SAMD8: variants seen among roughly 807,000 people sequenced by gnomAD.
SAMD8 encodes sterile alpha motif domain containing 8.
In SAMD8, 20 loss-of-function variants were observed where a neutral mutation model predicts 42.0. The observed-to-expected ratio is 0.48, with a 90% confidence interval of 0.34 to 0.69. The LOEUF is 0.69. Among genes scored for constraint, SAMD8 ranks in the 30% least tolerant of loss-of-function variants. The pLI, the probability that SAMD8 is intolerant of heterozygous loss-of-function variation, is 0.01. For synonymous variants in SAMD8, 162 were observed against 173.0 expected, an observed-to-expected ratio of 0.94 and a Z score of 0.50; for missense variants, 328 against 511.6, an observed-to-expected ratio of 0.64 and a Z score of 3.46.
chr10:75,132,114 GGA>G (rs533839917), intron 1 of SAMD8, among the ~76,000 whole-genome samples: 63 of 152,200 alleles, frequency 4.1e-4, no homozygotes, highest in African/African-American at 1.5e-3. Flanking sequence ...ACACTGTCTA[GGA>G]GAGAGAGAGA....
chr10:75,164,084 C>A (rs1840619870), intron 2 of SAMD8, among the ~76,000 whole-genome samples: 1 of 152,098 alleles, frequency 6.6e-6, no homozygotes, highest in South Asian at 2.1e-4. Flanking sequence ...GGCATAGTTT[C>A]ACGGGCCTTG....
intron 1 of SAMD8, among the ~76,000 whole-genome samples, chr10:75,146,968 A>T (rs1840151638): frequency 6.6e-6 from 1 of 152,172 alleles, no homozygotes; most frequent in Non-Finnish European, 1.5e-5. Flanking sequence ...GCATGCACTG[A>T]CCTGATAAAG....
intron 1 of SAMD8, among the ~76,000 whole-genome samples, chr10:75,126,163 A>G (rs986708981): frequency 4.6e-5 from 7 of 152,148 alleles, no homozygotes; most frequent in Non-Finnish European, 8.8e-5. Context: ...CTCTATCCAC[A>G]TAATTTTACT....
chr10:75,103,929 T>C (rs1407513041), intron 1 of SAMD8: 2 of 1,316,484 alleles, frequency 1.5e-6, no homozygotes, highest in African/African-American at 1.5e-5. Flanking sequence ...AGAGGGGGTG[T>C]AGGCGCCAGG....
Position 75,170,883 on chromosome 10 carries a change from C to T in SAMD8, c.792+2225C>T, listed in dbSNP as rs186684452. On this transcript the variant is annotated intron_variant, in intron 4 of 5. Coordinates refer to ENST00000542569, the MANE Select transcript of SAMD8 (RefSeq NM_001174156.2). ...CCTCTTCCCAAGTTCAAGCCATTCT[C>T]CTGCCTCAGCCTCCCGAGTAGCTGG... is the stretch of plus-strand genomic sequence containing the variant. Among the ~76,000 whole-genome samples, 7 of 150,000 alleles carry T rather than the reference C, an allele frequency of 4.7e-5. 1 individual carries two copies. Among genetic ancestry groups the T allele is most frequent in the Admixed American group, 4.0e-4 (6 of 14,934 alleles).
chr10:75,160,952 C>T (rs562817986), intron 2 of SAMD8, among the ~76,000 whole-genome samples: 4 of 151,994 alleles, frequency 2.6e-5, no homozygotes, highest in Non-Finnish European at 2.9e-5. Flanking sequence ...CCTGTAGTCC[C>T]GGGTATTGGG....
At chr10:75,135,463 A>AAAT (rs2134452309) in intron 1 of SAMD8, among the ~76,000 whole-genome samples, 1 of 151,808 alleles carries the variant, frequency 6.6e-6, no homozygotes, top group African/African-American at 2.4e-5. Flanking sequence ...CAAAAAAAAA[A>AAAT]AAAAAATTAC....
intron 3 of SAMD8, among the ~76,000 whole-genome samples, chr10:75,166,265 A>G (rs151084526): frequency 2.7e-4 from 41 of 152,238 alleles, no homozygotes; most frequent in Non-Finnish European, 3.7e-4. Flanking sequence ...ATGGGCAGGA[A>G]GAATTAGTGG....
In SAMD8 at chr10:75,145,474, T is replaced by C. The variant is rs1430749642; in HGVS notation, c.-15-5040T>C. Among the ~76,000 whole-genome samples, 3 of 152,222 alleles carry C rather than the reference T, an allele frequency of 2.0e-5. No individual in the cohort carries two copies. In the East Asian group the frequency reaches 5.8e-4, roughly 29 times the overall value. ...GGACATTATGAATTCATTGTTGGGC[T>C]CTAGATACTTTGGTATTTCTATTAA... On this transcript the variant is annotated intron_variant, in intron 1 of 5. Transcript: ENST00000542569.
intron 1 of SAMD8, among the ~76,000 whole-genome samples, chr10:75,141,931 CT>C (rs906400266): frequency 5.4e-5 from 8 of 148,390 alleles, no homozygotes; most frequent in Non-Finnish European, 9.0e-5. Context: ...TGCCTTGCAT[CT>C]TTTTTTTTTC....
At chr10:75,115,072 T>C (rs1848845150) in intron 1 of SAMD8, among the ~76,000 whole-genome samples, 1 of 152,240 alleles carries the variant, frequency 6.6e-6, no homozygotes, top group Non-Finnish European at 1.5e-5. Context: ...AATGTTTTAC[T>C]TATTTGCAGA....
chr10:75,164,159 A>C (rs1840621477), intron 2 of SAMD8, among the ~76,000 whole-genome samples: 1 of 152,164 alleles, frequency 6.6e-6, no homozygotes, highest in African/African-American at 2.4e-5. Context: ...TCTAGGCTGC[A>C]GTCAGCTGTG....
chr10:75,140,105 A>G (rs900269561), intron 1 of SAMD8, among the ~76,000 whole-genome samples: 3 of 152,194 alleles, frequency 2.0e-5, no homozygotes, highest in African/African-American at 4.8e-5. Flanking sequence ...CTATATATGT[A>G]TAGGTTTGTT....
At chr10:75,144,600 A>C (rs1263220622) in intron 1 of SAMD8, among the ~76,000 whole-genome samples, 3 of 152,126 alleles carry the variant, frequency 2.0e-5, no homozygotes, top group African/African-American at 7.2e-5. Context: ...AGGCTGAATA[A>C]TAGTCTCTTT....
At chr10:75,121,387 C>T (rs1849001350) in intron 1 of SAMD8, among the ~76,000 whole-genome samples, 1 of 152,180 alleles carries the variant, frequency 6.6e-6, no homozygotes, top group Admixed American at 6.6e-5. Context: ...GCCTTAGTTT[C>T]TTCAGCTGTA....
At chr10:75,100,676 C>G (rs1233156540) in intron 1 of SAMD8, among the ~76,000 whole-genome samples, 1 of 152,250 alleles carries the variant, frequency 6.6e-6, no homozygotes, top group Admixed American at 6.5e-5. Context: ...TCCTCGCCCC[C>G]TTCCTGCCTC....
rs766287719 is a variant in SAMD8 at position 75,176,148 on chromosome 10, CAT to C, written c.876_877del (p.Cys293TrpfsTer6). ...GGTATGACCCTGACTGGCGTTCACA[CAT>C]GTGGAGATTACATGTTTAGTGGCCA... On this transcript the variant is annotated frameshift_variant, in exon 5 of 6. Transcript: ENST00000542569. LOFTEE classifies it high-confidence loss of function. This position sits in a 1 kb window ranked among gnomAD's most constrained non-coding sequence, Gnocchi z 4.3. 1.2e-6 allele frequency: 2 copies of C among 1,614,188 alleles called. No individual in the cohort carries two copies. Among genetic ancestry groups the C allele is most frequent in the Non-Finnish European group, 1.7e-6 (2 of 1,180,028 alleles).
At chr10:75,161,768 CCTTTGGGAGCG>C (rs905268466) in intron 2 of SAMD8, among the ~76,000 whole-genome samples, 16 of 151,518 alleles carry the variant, frequency 1.1e-4, no homozygotes, top group East Asian at 5.8e-4. Context: ...CACCTGTAAT[CCTTTGGGAGCG>C]CTTTGGGAGC....
At chr10:75,139,259 A>T (rs1187950930) in intron 1 of SAMD8, among the ~76,000 whole-genome samples, 1 of 151,900 alleles carries the variant, frequency 6.6e-6, no homozygotes, top group Non-Finnish European at 1.5e-5. Flanking sequence ...GTGGGTCACC[A>T]CCCATTAACA....
Sources: allele counts gnomAD v4.1 joint callset (sites outside exome capture counted in the v4.1 genomes callset), GRCh38; gene constraint gnomAD v4.1.1; non-coding constraint Gnocchi (gnomAD v3.1); transcripts MANE v1.5; gene names NCBI Gene and HGNC (gene_info 2026-07-23, HGNC 2026-07-21).